SPAG16: variants seen among roughly 807,000 people sequenced by gnomAD.
The protein encoded by SPAG16 is sperm associated antigen 16.
A neutral mutation model predicts 80.4 loss-of-function variants in SPAG16; 86 were observed. The ratio of observed to expected loss-of-function variants is 1.07; its 90% CI spans 0.90 to 1.28. SPAG16 has a LOEUF of 1.28. SPAG16 is among the 50% of genes most tolerant of loss of function. The pLI is 0.00. For synonymous variants in SPAG16, 294 were observed against 265.9 expected, an observed-to-expected ratio of 1.11 and a Z score of -1.03; for missense variants, 870 against 765.3, an observed-to-expected ratio of 1.14 and a Z score of -1.61.
intron 15 of SPAG16, among the ~76,000 whole-genome samples, chr2:214,152,508 G>A (rs2125578958): frequency 6.6e-6 from 1 of 152,200 alleles, no homozygotes; most frequent in Middle Eastern, 3.4e-3. Flanking sequence ...CTCTAATAAG[G>A]AACTCAGCAT....
intron 13 of SPAG16, among the ~76,000 whole-genome samples, chr2:214,022,074 G>A (rs371230207): frequency 4.6e-5 from 7 of 151,910 alleles, no homozygotes; most frequent in Admixed American, 2.6e-4. Context: ...TTTGTACCCC[G>A]TAGAATTTTG....
chr2:213,656,316 G>C (rs2063221211), intron 10 of SPAG16, among the ~76,000 whole-genome samples: 1 of 152,148 alleles, frequency 6.6e-6, no homozygotes, highest in African/African-American at 2.4e-5. Flanking sequence ...GACTGCAGGC[G>C]CCTGCCACCA....
intron 12 of SPAG16, among the ~76,000 whole-genome samples, chr2:213,980,710 G>A (rs2372104): frequency 0.41 from 47,061 of 115,816 alleles, 9,967 homozygotes; most frequent in South Asian, 0.67. Context: ...GTGTGTGTGT[G>A]TGTATATATA....
intron 13 of SPAG16, among the ~76,000 whole-genome samples, chr2:214,053,825 A>G (rs962172841): frequency 6.6e-6 from 1 of 152,218 alleles, no homozygotes; most frequent in Admixed American, 6.5e-5. Flanking sequence ...TATTCTTTCC[A>G]TTATTTTACA....
At chr2:214,003,946 A>G (rs1381657833) in intron 12 of SPAG16, among the ~76,000 whole-genome samples, 6 of 152,204 alleles carry the variant, frequency 3.9e-5, no homozygotes, top group Non-Finnish European at 1.5e-5. Context: ...AAATCACAGA[A>G]GCATGAAAAA....
chr2:213,769,268 A>T (rs1313213402), intron 10 of SPAG16, among the ~76,000 whole-genome samples: 1 of 152,136 alleles, frequency 6.6e-6, no homozygotes, highest in African/African-American at 2.4e-5. Flanking sequence ...TCCTCCTTTT[A>T]TATATCAGTG....
Position 214,289,640 on chromosome 2 carries a change from C to T in SPAG16, c.1721-120500C>T, listed in dbSNP as rs536159231. The stretch of plus-strand genomic sequence containing the variant: ...TGTTTGGGTTATTATAGCCGTCTAA[C>T]ATATTTTGAAGTTGGGTAGTGTGAA... On this transcript the variant is annotated intron_variant, in intron 15 of 15. Coordinates refer to ENST00000331683, the MANE Select transcript of SPAG16 (RefSeq NM_024532.5). 2.6e-5 allele frequency among the ~76,000 whole-genome samples: 4 copies of T among 152,248 alleles called. No homozygotes were observed. In the East Asian group the frequency reaches 5.8e-4, roughly 22 times the overall value.
At chr2:213,602,827 CATTTT>C (rs2061117129) in intron 10 of SPAG16, among the ~76,000 whole-genome samples, 1 of 152,108 alleles carries the variant, frequency 6.6e-6, no homozygotes, top group Non-Finnish European at 1.5e-5. Flanking sequence ...TCTTTGATCT[CATTTT>C]ATTTATTTTT....
At chr2:213,289,424 T>G (rs939408660) in intron 1 of SPAG16, among the ~76,000 whole-genome samples, 1 of 152,172 alleles carries the variant, frequency 6.6e-6, no homozygotes, top group Non-Finnish European at 1.5e-5. Flanking sequence ...ACATTTCCAC[T>G]CTTGCCAATT....
intron 10 of SPAG16, among the ~76,000 whole-genome samples, chr2:213,838,241 G>A (rs1048816744): frequency 2.6e-5 from 4 of 152,182 alleles, no homozygotes; most frequent in Non-Finnish European, 5.9e-5. Context: ...GTGTAATCTT[G>A]ACTCACCGCA....
intron 10 of SPAG16, among the ~76,000 whole-genome samples, chr2:213,555,412 G>A (rs1160161531): frequency 1.3e-5 from 2 of 152,134 alleles, no homozygotes; most frequent in Non-Finnish European, 2.9e-5. Context: ...TAAGTGTCTG[G>A]CATTTCCCCT....
chr2:213,304,323 G>C (rs2062856179), intron 3 of SPAG16, among the ~76,000 whole-genome samples: 1 of 151,934 alleles, frequency 6.6e-6, no homozygotes, highest in Admixed American at 6.6e-5. Context: ...CCATTCTATG[G>C]GTAGTCCCTT....
rs531327990 is a variant in SPAG16 at position 213,760,426 on chromosome 2, G to T, written c.1071-102059G>T. On this transcript the variant is annotated intron_variant, in intron 10 of 15. Coordinates refer to ENST00000331683, the MANE Select transcript of SPAG16 (RefSeq NM_024532.5). ...GTAACAGATCACTAAATTATATGAAGAAATAACTTACATAATGGAAGGGAA... is the reference window on the plus strand; with the variant it reads ...GTAACAGATCACTAAATTATATGAATAAATAACTTACATAATGGAAGGGAA... 3.3e-5 allele frequency among the ~76,000 whole-genome samples: 5 copies of T among 149,602 alleles called. No individual in the cohort carries two copies. The East Asian group carries it at 5.9e-4, about 18-fold the overall frequency.
At chr2:213,623,644 A>G (rs1219477892) in intron 10 of SPAG16, among the ~76,000 whole-genome samples, 1 of 152,154 alleles carries the variant, frequency 6.6e-6, no homozygotes, top group African/African-American at 2.4e-5. Context: ...ATGGATGAAG[A>G]GACAAATTGT....
At chr2:213,353,703 A>G (rs1395426393) in intron 7 of SPAG16, among the ~76,000 whole-genome samples, 1 of 152,118 alleles carries the variant, frequency 6.6e-6, no homozygotes, top group Non-Finnish European at 1.5e-5. Flanking sequence ...TCCCTCAGGC[A>G]CAGAACTCTT....
intron 13 of SPAG16, among the ~76,000 whole-genome samples, chr2:214,023,744 T>G (rs1382462176): frequency 6.6e-6 from 1 of 151,784 alleles, no homozygotes; most frequent in African/African-American, 2.4e-5. Context: ...ATAAAACCTT[T>G]GCATACACAT....
At chr2:213,997,014 G>C (rs1390768009) in intron 12 of SPAG16, among the ~76,000 whole-genome samples, 1 of 152,180 alleles carries the variant, frequency 6.6e-6, no homozygotes, top group African/African-American at 2.4e-5. Context: ...CATCCTTTGG[G>C]TAAATGGAAA....
chr2:213,894,358 A>T (rs2076907669), intron 11 of SPAG16, among the ~76,000 whole-genome samples: 1 of 152,194 alleles, frequency 6.6e-6, no homozygotes, highest in African/African-American at 2.4e-5. Context: ...TTATTTTAAT[A>T]GGTGCCCATA....
At chr2:213,874,906 G>T (rs1023663270) in intron 11 of SPAG16, among the ~76,000 whole-genome samples, 3 of 152,024 alleles carry the variant, frequency 2.0e-5, no homozygotes, top group African/African-American at 7.2e-5. Flanking sequence ...ATCTAGGTTT[G>T]CCCAGAAAAG....
Sources: allele counts gnomAD v4.1 joint callset (sites outside exome capture counted in the v4.1 genomes callset), GRCh38; gene constraint gnomAD v4.1.1; transcripts MANE v1.5; gene names NCBI Gene and HGNC (gene_info 2026-07-23, HGNC 2026-07-21).